OSBPL10: variants seen among roughly 807,000 people sequenced by gnomAD.
OSBPL10 encodes oxysterol-binding protein-related protein 10.
OSBPL10 carries 49 observed loss-of-function variants against 81.7 expected under a neutral mutation model. That is an observed-to-expected ratio of 0.60 (90% CI 0.48 to 0.76). The LOEUF is 0.76. Among genes scored for constraint, OSBPL10 ranks in the 30% least tolerant of loss-of-function variants. OSBPL10 has a pLI of 0.00. For missense variants in OSBPL10, 923 were observed against 987.8 expected (o/e 0.93, Z 0.88); for synonymous variants, 419 against 383.6 (o/e 1.09, Z -1.08).
intron 4 of OSBPL10, among the ~76,000 whole-genome samples, chr3:31,814,941 G>T (rs1484017926): frequency 6.6e-6 from 1 of 152,180 alleles, no homozygotes; most frequent in Non-Finnish European, 1.5e-5. Context: ...CGTGGATCTG[G>T]AAAGTTCTCT....
intron 2 of OSBPL10, among the ~76,000 whole-genome samples, chr3:32,013,035 C>T (rs1327132029): frequency 5.3e-5 from 8 of 151,776 alleles, no homozygotes; most frequent in African/African-American, 1.7e-4. Flanking sequence ...AACAGATCAA[C>T]GAGGCAGAAA....
chr3:31,920,166 A>C (rs1281935269), intron 1 of OSBPL10, among the ~76,000 whole-genome samples: 2 of 152,212 alleles, frequency 1.3e-5, no homozygotes, highest in Non-Finnish European at 2.9e-5. Context: ...GGAAGGGAGG[A>C]ATAAGCAGGT....
intron 4 of OSBPL10, among the ~76,000 whole-genome samples, chr3:31,773,861 T>A (rs1406905229): frequency 6.6e-6 from 1 of 152,188 alleles, no homozygotes; most frequent in African/African-American, 2.4e-5. Flanking sequence ...TAATCTTTCA[T>A]ACATTACAAA....
intron 1 of OSBPL10, among the ~76,000 whole-genome samples, chr3:31,912,758 A>G (rs909187120): frequency 2.0e-5 from 3 of 152,286 alleles, no homozygotes; most frequent in Middle Eastern, 3.4e-3. Context: ...TGGAAGATAC[A>G]CTACCCAGCA....
intron 2 of OSBPL10, among the ~76,000 whole-genome samples, chr3:32,021,316 T>G (rs1699361855): frequency 6.6e-6 from 1 of 152,212 alleles, no homozygotes; most frequent in Non-Finnish European, 1.5e-5. Context: ...GAGCACAGGC[T>G]CAAATAAAGT....
chr3:31,897,380 A>T (rs1696087280), intron 1 of OSBPL10, among the ~76,000 whole-genome samples: 1 of 152,240 alleles, frequency 6.6e-6, no homozygotes, highest in African/African-American at 2.4e-5. Flanking sequence ...CTGGATTTTT[A>T]AAATGAAAAG....
chr3:31,687,480 T>C (rs1319648990), intron 7 of OSBPL10, among the ~76,000 whole-genome samples: 1 of 150,828 alleles, frequency 6.6e-6, no homozygotes, highest in African/African-American at 2.5e-5. Flanking sequence ...AAAAAAAAAA[T>C]AAGTAAATAA....
intron 4 of OSBPL10, chr3:31,794,542 TC>T: frequency 5.8e-6 from 2 of 345,558 alleles, no homozygotes; most frequent in East Asian, 8.4e-5. Context: ...TGTGAACTTT[TC>T]CCAGAAGAAA....
chr3:31,982,455 TAA>T (rs35289632), upstream of OSBPL10, among the ~76,000 whole-genome samples: 32 of 152,026 alleles, frequency 2.1e-4, no homozygotes, highest in East Asian at 5.2e-3. Context: ...CTTCAAGAGT[TAA>T]AAAAAATTAC....
At chr3:31,742,000 C>A (rs905869306) in intron 5 of OSBPL10, among the ~76,000 whole-genome samples, 5 of 152,240 alleles carry the variant, frequency 3.3e-5, no homozygotes, top group African/African-American at 9.6e-5. Context: ...GTCCAATAAA[C>A]CCCTTTCTTT....
intron 5 of OSBPL10, among the ~76,000 whole-genome samples, chr3:31,745,903 T>C (rs1697506449): frequency 6.6e-6 from 1 of 152,142 alleles, no homozygotes; most frequent in Non-Finnish European, 1.5e-5. Context: ...CAAAGGGCAG[T>C]TGGGGAAAGC....
At chr3:31,801,995 G>T (rs1201733434) in intron 4 of OSBPL10, among the ~76,000 whole-genome samples, 1 of 151,542 alleles carries the variant, frequency 6.6e-6, no homozygotes, top group East Asian at 2.0e-4. Flanking sequence ...GGCTAATTTT[G>T]TATTTTTAGT....
At chr3:31,748,888 C>T (rs1350689808) in intron 4 of OSBPL10, among the ~76,000 whole-genome samples, 2 of 152,166 alleles carry the variant, frequency 1.3e-5, no homozygotes, top group East Asian at 3.8e-4. Context: ...TAGAAAAGGA[C>T]TTTAATGGTT....
At position 31,776,323 on chromosome 3, in the gene OSBPL10, G is replaced by T. The variant is rs539168274; in HGVS notation, c.730-28203C>A. Among the ~76,000 whole-genome samples the T allele has an allele frequency of 7.9e-5, 12 of 152,240 alleles. No individual in the cohort carries two copies. The South Asian group carries it at 2.5e-3, about 32-fold the overall frequency. Reference sequence around the variant, plus strand: ...AAAAGGAGAAAATTTTTAAAAGCTGGCAAGAATGTGGAGGAATTGGAACCT... The same window carrying T: ...AAAAGGAGAAAATTTTTAAAAGCTGTCAAGAATGTGGAGGAATTGGAACCT... On this transcript the variant is annotated intron_variant, in intron 4 of 11. Transcript: ENST00000396556.
chr3:31,969,889 G>T (rs1034505510), intron 1 of OSBPL10, among the ~76,000 whole-genome samples: 4 of 151,208 alleles, frequency 2.6e-5, no homozygotes, highest in African/African-American at 7.3e-5. Context: ...AAAACACGAG[G>T]CCTCTTCTTT....
chr3:31,778,795 A>T (rs953558580), intron 4 of OSBPL10, among the ~76,000 whole-genome samples: 6 of 152,208 alleles, frequency 3.9e-5, no homozygotes, highest in African/African-American at 1.2e-4. Flanking sequence ...CAAAGGAAAG[A>T]ATCTTAACAG....
chr3:31,716,677 G>C (rs963957973), intron 6 of OSBPL10, among the ~76,000 whole-genome samples: 1 of 152,166 alleles, frequency 6.6e-6, no homozygotes, highest in Non-Finnish European at 1.5e-5. Flanking sequence ...AGATGCTAGG[G>C]GGATCCAAAC....
At chr3:31,891,397 T>G (rs1159688827) in intron 1 of OSBPL10, among the ~76,000 whole-genome samples, 1 of 152,214 alleles carries the variant, frequency 6.6e-6, no homozygotes, top group East Asian at 1.9e-4. Context: ...TGGGAACCAC[T>G]TGTTTTCATT....
chr3:31,743,633 AT>A (rs1274578770), intron 5 of OSBPL10, among the ~76,000 whole-genome samples: 1 of 151,526 alleles, frequency 6.6e-6, no homozygotes, highest in African/African-American at 2.4e-5. Context: ...AAGATCATAA[AT>A]CATTTTTTAT....
Sources: gnomAD v4.1 joint callset for allele counts (sites outside exome capture counted in the v4.1 genomes callset) on GRCh38, gnomAD v4.1.1 for gene constraint, MANE v1.5 for transcripts, NCBI Gene and HGNC (gene_info 2026-07-23, HGNC 2026-07-21) for gene names.